The following MAST4 variants were observed in gnomAD, a reference collection of about 807,000 sequenced individuals.
MAST4 encodes the protein microtubule associated serine/threonine kinase family member 4.
In MAST4, 89 loss-of-function variants were observed where a neutral mutation model predicts 162.7. The ratio of observed to expected loss-of-function variants is 0.55; its 90% confidence interval spans 0.46 to 0.65. The LOEUF is 0.65. MAST4 is among the 30% of genes least tolerant of loss of function. The probability of loss-of-function intolerance (pLI) is 0.00; values close to 1 mark genes in which losing one functional copy is unlikely to be tolerated. For synonymous variants in MAST4, 1,479 were observed against 1,361.1 expected (o/e 1.09, Z -1.91); for missense variants, 3,153 against 3,374.0 (o/e 0.93, Z 1.62).
intron 1 of MAST4, among the ~76,000 whole-genome samples, chr5:66,740,288 G>C (rs541482861): frequency 6.6e-6 from 1 of 152,228 alleles, no homozygotes; most frequent in Non-Finnish European, 1.5e-5. Flanking sequence ...GGAAGTTGCT[G>C]TATGTCTTGG....
intron 18 of MAST4, among the ~76,000 whole-genome samples, chr5:67,136,247 A>C (rs921001897): frequency 3.3e-5 from 5 of 152,228 alleles, no homozygotes; most frequent in Non-Finnish European, 7.4e-5. Context: ...ATAACTAGAG[A>C]GGCAACTTTT....
At chr5:66,609,171 A>G (rs1464493536) in intron 1 of MAST4, among the ~76,000 whole-genome samples, 1 of 150,292 alleles carries the variant, frequency 6.7e-6, no homozygotes, top group Non-Finnish European at 1.5e-5. Context: ...TCCTTTGGCC[A>G]CGTGTCACAA....
Position 67,166,688 on chromosome 5 carries a change from G to T in MAST4, c.7509G>T (p.Arg2503Ser). 6.3e-7 allele frequency: 1 copy of T among 1,593,810 alleles called. No individual in the cohort carries two copies. The highest frequency in any genetic ancestry group is 8.5e-7 in the Non-Finnish European group (1 of 1,170,550). Residue 2503 changes from arginine (R) to serine (S), a missense_variant, in exon 29 of 29, where the codon AGG (arginine) becomes AGT (serine). Physicochemically the swap from Arg to Ser is moderately radical, Grantham distance 110. Coordinates refer to ENST00000403625, the MANE Select transcript of MAST4 (RefSeq NM_001164664.2). Reference sequence around the variant, plus strand: ...CAGCCCCCAGCAACAGGGACCATAGGAAGGCTCAGCCTGCCGGGGAGGGCC... The same window carrying T: ...CAGCCCCCAGCAACAGGGACCATAGTAAGGCTCAGCCTGCCGGGGAGGGCC... Reference protein sequence around the residue: ...ELPAPSNRDHRKAQPAGEGRT... With the variant: ...ELPAPSNRDHSKAQPAGEGRT...
At chr5:66,789,675 C>G in intron 3 of MAST4, 1 of 516,308 alleles carries the variant, frequency 1.9e-6, no homozygotes, top group Non-Finnish European at 3.9e-6. Flanking sequence ...ATCTGCCCCT[C>G]TCTGTGATGT....
intron 3 of MAST4, among the ~76,000 whole-genome samples, chr5:66,844,106 G>A (rs1029144450): frequency 6.7e-6 from 1 of 149,780 alleles, no homozygotes; most frequent in African/African-American, 2.5e-5. Flanking sequence ...TGTAAAGTCT[G>A]GCATTCATCT....
At chr5:66,736,017 G>A (rs1372959526) in intron 1 of MAST4, among the ~76,000 whole-genome samples, 1 of 152,172 alleles carries the variant, frequency 6.6e-6, no homozygotes, top group Non-Finnish European at 1.5e-5. Flanking sequence ...ATAGCTGTGG[G>A]ATTTGGGGGA....
intron 4 of MAST4, among the ~76,000 whole-genome samples, chr5:66,958,277 T>C (rs1745571275): frequency 6.6e-6 from 1 of 152,194 alleles, no homozygotes; most frequent in Non-Finnish European, 1.5e-5. Flanking sequence ...GTTGCCAAGT[T>C]TTAAAACATT....
chr5:66,678,637 G>A (rs574308605), intron 1 of MAST4, among the ~76,000 whole-genome samples: 8 of 151,382 alleles, frequency 5.3e-5, no homozygotes, highest in South Asian at 4.2e-4. Flanking sequence ...TGGGACTACC[G>A]GTGCACGCCA....
rs1035911525 is a variant in MAST4, at chr5:66,839,984, C to T, written c.642+51190C>T. Among the ~76,000 whole-genome samples the T allele has an allele frequency of 5.9e-5, 9 of 151,660 alleles. 1 individual carries two copies. Among genetic ancestry groups the T allele is most frequent in the Middle Eastern group, 6.3e-3 (2 of 316 alleles). On this transcript the variant is annotated intron_variant, in intron 3 of 28. Coordinates refer to ENST00000403625, the MANE Select transcript of MAST4 (RefSeq NM_001164664.2). ...TTGACAATTTTTTTTTTTAAACTGA[C>T]GCGTTCTTGGGCAACAAATGAGAAT...
chr5:66,638,027 AAT>A (rs1745235383), intron 1 of MAST4, among the ~76,000 whole-genome samples: 1 of 152,094 alleles, frequency 6.6e-6, no homozygotes, highest in East Asian at 1.9e-4. Flanking sequence ...CTTTAGTTGT[AAT>A]TTATTCCTCA....
intron 1 of MAST4, among the ~76,000 whole-genome samples, chr5:66,724,767 A>G (rs1751413651): frequency 6.6e-6 from 1 of 152,100 alleles, no homozygotes; most frequent in South Asian, 2.1e-4. Flanking sequence ...TAGAAAAGGT[A>G]CAGCAAAAAT....
At chr5:66,623,229 TACC>T (rs1220283492) in intron 1 of MAST4, 1 of 152,184 alleles carries the variant, frequency 6.6e-6, no homozygotes, top group African/African-American at 2.4e-5. Flanking sequence ...AAAAAACTAA[TACC>T]AAGCCCTCTT....
chr5:66,637,841 G>A (rs1745224052), intron 1 of MAST4, among the ~76,000 whole-genome samples: 1 of 151,954 alleles, frequency 6.6e-6, no homozygotes, highest in Non-Finnish European at 1.5e-5. Context: ...TTCCCTGGTA[G>A]CTGGTACCAC....
Position 67,095,681 on chromosome 5 carries a change from T to C in MAST4, c.912+6T>C. 6.4e-7 allele frequency: 1 copy of C among 1,552,404 alleles called. No individual in the cohort carries two copies. The highest frequency in any genetic ancestry group is 8.7e-7 in the Non-Finnish European group (1 of 1,154,122). The stretch of plus-strand genomic sequence containing the variant: ...CACCCAGCTCTACGGTCTCTGTAAG[T>C]GCCTGACTTTTTTTTTTTTTTTCTC... On this transcript the variant is annotated splice_donor_region_variant and intron_variant, in intron 7 of 28. Transcript: ENST00000403625.
At chr5:66,910,151 C>A (rs1763649448) in intron 4 of MAST4, among the ~76,000 whole-genome samples, 1 of 152,216 alleles carries the variant, frequency 6.6e-6, no homozygotes, top group South Asian at 2.1e-4. Flanking sequence ...GTTTGCTTGA[C>A]TTCACCATGT....
chr5:67,063,952 A>G (rs1397957778), intron 5 of MAST4, among the ~76,000 whole-genome samples: 1 of 152,206 alleles, frequency 6.6e-6, no homozygotes, highest in Non-Finnish European at 1.5e-5. Flanking sequence ...GAGAAAAATG[A>G]ATCAGAGGTC....
At chr5:66,955,663 A>G (rs1745223446) in intron 4 of MAST4, among the ~76,000 whole-genome samples, 1 of 152,162 alleles carries the variant, frequency 6.6e-6, no homozygotes, top group Admixed American at 6.5e-5. Flanking sequence ...CTCTATATGT[A>G]TTACTTCATA....
At chr5:66,801,741 A>C (rs1755932561) in intron 3 of MAST4, among the ~76,000 whole-genome samples, 1 of 152,202 alleles carries the variant, frequency 6.6e-6, no homozygotes, top group African/African-American at 2.4e-5. Context: ...ACTGCCACTA[A>C]ATTGACACAA....
intron 10 of MAST4, 42 bp downstream of exon 10, chr5:67,104,617 T>C: frequency 4.5e-6 from 7 of 1,552,358 alleles, no homozygotes; most frequent in African/African-American, 1.4e-5. Context: ...TTATTTTGCT[T>C]TTCCCTGAAA....
Sources: allele counts gnomAD v4.1 joint callset (sites outside exome capture counted in the v4.1 genomes callset), GRCh38; gene constraint gnomAD v4.1.1; transcripts MANE v1.5; gene names NCBI Gene and HGNC (gene_info 2026-07-23, HGNC 2026-07-21).